Variants in PRDM15 observed in about 807,000 individuals in gnomAD.
The protein encoded by PRDM15 is PR domain zinc finger protein 15.
In PRDM15, 64 loss-of-function variants were observed where a neutral mutation model predicts 128.6. The observed-to-expected ratio is 0.50, with a 90% CI of 0.41 to 0.61. The LOEUF (loss-of-function observed/expected upper bound fraction) is 0.61, where lower values mean the gene tolerates loss of function less well. Among genes scored for constraint, PRDM15 ranks in the 20% least tolerant of loss-of-function variants. The pLI, the probability that PRDM15 is intolerant of heterozygous loss-of-function variation, is 0.00. For missense variants in PRDM15, 1,242 were observed against 1,569.1 expected (o/e 0.79, Z 3.52); for synonymous variants, 615 against 621.8 (o/e 0.99, Z 0.16).
intron 1 of PRDM15, among the ~76,000 whole-genome samples, chr21:41,868,357 C>G (rs553305729): frequency 2.9e-4 from 44 of 152,244 alleles, no homozygotes; most frequent in African/African-American, 1.0e-3. Flanking sequence ...CCCAGGAGTG[C>G]AATGACTGGG....
intron 1 of PRDM15, chr21:41,871,403 T>C (rs1480603653): frequency 1.1e-6 from 1 of 946,918 alleles, no homozygotes; most frequent in Non-Finnish European, 1.3e-6. Flanking sequence ...TCTCTGTCAC[T>C]GTCCCTCTTA....
chr21:41,825,813 G>T lies in PRDM15; in HGVS notation c.1629+147C>A, dbSNP rs540743972. The T allele has an allele frequency of 5.8e-5, 35 of 603,426 alleles. No homozygotes were observed. In the South Asian group the frequency reaches 7.4e-4, roughly 13 times the overall value. The allele number at this position is 603,426 out of a possible 1,614,324, so 37.4% of individuals were successfully genotyped here. A position where few individuals can be genotyped will look rare whatever the true frequency, so the allele number is the denominator to read the frequency against. On this transcript the variant is annotated intron_variant, in intron 13 of 23. Transcript: ENST00000398548. ...TCCAAATGGCAAGTGTTTAAAATGG[G>T]TGGACACCAGTTTAAGACAACCTGA...
chr21:41,819,038 C>T (rs2062152106), intron 18 of PRDM15, among the ~76,000 whole-genome samples: 1 of 152,252 alleles, frequency 6.6e-6, no homozygotes, highest in Non-Finnish European at 1.5e-5. Context: ...ATACTTTAAA[C>T]AATTAGATCC....
At chr21:41,870,118 T>G (rs1347500784) in intron 1 of PRDM15, among the ~76,000 whole-genome samples, 3 of 152,254 alleles carry the variant, frequency 2.0e-5, no homozygotes, top group African/African-American at 7.2e-5. Context: ...CCTTTCCATA[T>G]AAACTTGAGA....
At position 41,857,187 on chromosome 21, in the gene PRDM15, A is replaced by G. The variant is rs200403538; in HGVS notation, c.274T>C (p.Phe92Leu). 3.5e-5 allele frequency: 56 copies of G among 1,613,194 alleles called. No homozygotes were observed. Among genetic ancestry groups the G allele is most frequent in the Non-Finnish European group, 4.7e-5 (55 of 1,179,612 alleles). ...RVAKWEKESA[F>L]PLKVFQKDGH... ...GCAACAGCCTTTACCTTCAGGGGAA[A>G]TGCAGACTCCTTTTCCCATTTGGCG... is the stretch of plus-strand genomic sequence containing the variant. Residue 92 changes from phenylalanine to leucine, a missense_variant, in exon 4 of 24, where the codon TTT becomes CTT. This residue lies in a region of PRDM15 where 612 missense variants were observed against 717.0 expected (regional missense o/e 0.85). Transcript: ENST00000398548.
chr21:41,859,210 T>A lies in PRDM15; in HGVS notation c.131+382A>T, dbSNP rs1181229855. 2 of 1,613,716 alleles carry A rather than the reference T, an allele frequency of 1.2e-6. No homozygotes were observed. The highest frequency in any genetic ancestry group is 2.7e-5 in the African/African-American group (2 of 74,922). On this transcript the variant is annotated intron_variant, in intron 3 of 23. Coordinates refer to ENST00000398548, the MANE Select transcript of PRDM15 (RefSeq NM_001040424.3). This position sits in a 1 kb window ranked among gnomAD's most constrained non-coding sequence, Gnocchi z 5.3. ...CCTGCCCCGCCTGGGTGTGCACGTGTCCGCTGGCAGGCCAAGACCTGGAAT... is the reference window on the plus strand; with the variant it reads ...CCTGCCCCGCCTGGGTGTGCACGTGACCGCTGGCAGGCCAAGACCTGGAAT...
chr21:41,863,682 C>T (rs138872246), intron 1 of PRDM15, among the ~76,000 whole-genome samples: 74 of 152,230 alleles, frequency 4.9e-4, no homozygotes, highest in African/African-American at 1.7e-3. Flanking sequence ...CTGTTAAAAA[C>T]AACTTTGAAA....
chr21:41,876,863 G>A (rs2064436404), intron 1 of PRDM15, among the ~76,000 whole-genome samples: 1 of 152,174 alleles, frequency 6.6e-6, no homozygotes, highest in South Asian at 2.1e-4. Context: ...TCTGTGGAGT[G>A]GAATCATGCA....
chr21:41,801,754 CA>C, intron 23 of PRDM15, 32 bp from the exon 24 acceptor site: 2 of 1,589,438 alleles, frequency 1.3e-6, no homozygotes, highest in Non-Finnish European at 1.7e-6. Flanking sequence ...AAAATCCGTT[CA>C]TTTTTGCAAA....
intron 21 of PRDM15, among the ~76,000 whole-genome samples, chr21:41,806,204 T>C (rs1384540344): frequency 2.1e-3 from 2 of 940 alleles, no homozygotes; most frequent in Admixed American, 8.9e-3. Flanking sequence ...ACCACCACCA[T>C]CACCATCACC....
At chr21:41,805,986 TATC>T (rs1568879200) in intron 21 of PRDM15, among the ~76,000 whole-genome samples, 1 of 9,446 alleles carries the variant, frequency 1.1e-4, no homozygotes, top group African/African-American at 3.0e-4. Context: ...CTATCACCAC[TATC>T]ACCACCACCA....
chr21:41,836,193 T>C lies in PRDM15; in HGVS notation c.1198A>G (p.Lys400Glu). 6.2e-7 allele frequency: 1 copy of C among 1,613,942 alleles called. No individual in the cohort carries two copies. The highest frequency in any genetic ancestry group is 1.1e-5 in the South Asian group (1 of 91,072). Residue 400 changes from lysine (K) to glutamate (E), a missense_variant, in exon 10 of 24, where the codon AAG becomes GAG. Around this residue, in one of 3 missense-constraint regions of PRDM15, gnomAD observed 612 missense variants for 717.0 expected, o/e 0.85. Transcript: ENST00000398548. ...AACAATTTTGCACACTCTTCGCACT[T>C]AAACAGCTTGTCACCTGAGGAACCA... is the stretch of plus-strand genomic sequence containing the variant. ...HVRSHGDKLFKCEECAKLFSR... is the reference protein window; with the variant it reads ...HVRSHGDKLFECEECAKLFSR...
rs544746085 is a variant in PRDM15, at chr21:41,801,613, T to C, written c.3053A>G (p.Asn1018Ser). Residue 1018 changes from asparagine (N) to serine (S), a missense_variant, in exon 24 of 24, where the codon AAT becomes AGT. By Grantham distance (46) the Asn-to-Ser change is conservative. Around this residue, in one of 3 missense-constraint regions of PRDM15, gnomAD observed 602 missense variants for 788.3 expected, o/e 0.76. Coordinates refer to ENST00000398548, the MANE Select transcript of PRDM15 (RefSeq NM_001040424.3). ...GTGCCCCACGGCCACCGGCTGGAGA[T>C]TGGTAAACTGAGTCGCGGCCGCAGT... is the stretch of plus-strand genomic sequence containing the variant. ...ITTAAATQFT[N>S]LQPVAVGHLT... The C allele has an allele frequency of 1.4e-5, 23 of 1,614,018 alleles. No homozygotes were observed. The highest frequency in any genetic ancestry group is 2.7e-5 in the African/African-American group (2 of 74,968).
chr21:41,835,542 C>T lies in PRDM15; in HGVS notation c.1279-18G>A, dbSNP rs757376492. 8 of 1,600,910 alleles carry T rather than the reference C, an allele frequency of 5.0e-6. No homozygotes were observed. The highest frequency in any genetic ancestry group is 1.3e-5 in the African/African-American group (1 of 74,786). ...CCGTCCACCTGGTCAGAGGGACACG[C>T]CGTGAGTGAGATGGCCCAGCGCAGA... On this transcript the variant is annotated intron_variant, in intron 10 of 23. Transcript: ENST00000398548.
chr21:41,866,395 G>A (rs983444667), intron 1 of PRDM15, among the ~76,000 whole-genome samples: 2 of 152,224 alleles, frequency 1.3e-5, no homozygotes, highest in African/African-American at 4.8e-5. Context: ...ACAATGACCT[G>A]CGCTTGGCCT....
rs1330730591 is a variant in PRDM15 at position 41,859,054 on chromosome 21, C to T, written c.131+538G>A. ...ACCTGCCCTGGGCCACCAGGTGGCA[C>T]AGCCTCCCCCAGGTGAGGGTGGAAC... On this transcript the variant is annotated intron_variant, in intron 3 of 23. Transcript: ENST00000398548. The surrounding 1 kb of genome is among the most constrained non-coding windows in gnomAD (Gnocchi z 5.3). 4 of 1,567,138 alleles carry T rather than the reference C, an allele frequency of 2.6e-6. No individual in the cohort carries two copies. Among genetic ancestry groups the T allele is most frequent in the Non-Finnish European group, 3.5e-6 (4 of 1,156,284 alleles).
rs142554573 is a variant in PRDM15, at chr21:41,848,462, A to C, written c.539-1271T>G. 8.5e-5 allele frequency among the ~76,000 whole-genome samples: 13 copies of C among 152,326 alleles called. No homozygotes were observed. The East Asian group carries it at 2.5e-3, about 29-fold the overall frequency. On this transcript the variant is annotated intron_variant, in intron 5 of 23. Transcript: ENST00000398548. Reference sequence around the variant, plus strand: ...TTTTCTGGGACACCCCATCCCCACCAGCTTCTGTTCCCTTTTACGCTTGCT... The same window carrying C: ...TTTTCTGGGACACCCCATCCCCACCCGCTTCTGTTCCCTTTTACGCTTGCT...
chr21:41,871,893 G>A (rs895261831), intron 1 of PRDM15: 7 of 320,226 alleles, frequency 2.2e-5, no homozygotes, highest in East Asian at 1.7e-4. Flanking sequence ...CTCCACCTGC[G>A]CACACCTACG....
rs1169731157 is a variant in PRDM15 at position 41,821,972 on chromosome 21, T to G, written c.1827A>C (p.Glu609Asp). 6 of 1,614,214 alleles carry G rather than the reference T, an allele frequency of 3.7e-6. No individual in the cohort carries two copies. In the Admixed American group the frequency reaches 5.0e-5, roughly 13 times the overall value. ...TCTCGTCAGAATTGTCATCGTTTTC[T>G]TCCGAGGAGATCCCGATCTTGCCGA... ...EFIGKIGISS[E>D]ENDDNSDESA... The change falls in exon 15 of 24, where the codon GAA becomes GAC. Residue 609 changes from glutamate (E) to aspartate (D), a missense_variant. Physicochemically the swap from Glu to Asp is conservative, Grantham distance 45. This residue lies in a region of PRDM15 where 602 missense variants were observed against 788.3 expected (regional missense o/e 0.76). Transcript: ENST00000398548. The surrounding 1 kb of genome is among the most constrained non-coding windows in gnomAD (Gnocchi z 5.4).
Sources: allele counts gnomAD v4.1 joint callset (sites outside exome capture counted in the v4.1 genomes callset), GRCh38; gene constraint gnomAD v4.1.1; regional missense constraint gnomAD v4.1.1; non-coding constraint Gnocchi (gnomAD v3.1); transcripts MANE v1.5; gene names NCBI Gene and HGNC (gene_info 2026-07-23, HGNC 2026-07-21).